The following TBC1D1 variants were observed in gnomAD, a reference collection of about 807,000 sequenced individuals.
TBC1D1 encodes TBC1 domain family member 1.
In TBC1D1, 89 loss-of-function variants were observed where a neutral mutation model predicts 125.6. The observed-to-expected ratio is 0.71, with a 90% confidence interval of 0.60 to 0.85. The LOEUF (loss-of-function observed/expected upper bound fraction) is 0.85. TBC1D1 is among the 40% of genes least tolerant of loss of function. The pLI is 0.00. For missense variants in TBC1D1, 1,377 were observed against 1,469.2 expected, an observed-to-expected ratio of 0.94 and a Z score of 1.03; for synonymous variants, 565 against 564.1, an observed-to-expected ratio of 1.00 and a Z score of -0.02.
At chr4:38,067,430 A>G (rs186379757) in intron 12 of TBC1D1, among the ~76,000 whole-genome samples, 17 of 152,338 alleles carry the variant, frequency 1.1e-4, no homozygotes, top group Non-Finnish European at 1.9e-4. Context: ...TTGCAGCAGC[A>G]TCTTCCTCAA....
At chr4:37,963,733 T>C (rs1172640770) in intron 2 of TBC1D1, among the ~76,000 whole-genome samples, 1 of 152,222 alleles carries the variant, frequency 6.6e-6, no homozygotes. Flanking sequence ...CATGGGTGTC[T>C]CTTATATTAT....
intron 15 of TBC1D1, among the ~76,000 whole-genome samples, chr4:38,114,761 G>A (rs181903019): frequency 2.0e-5 from 3 of 152,072 alleles, no homozygotes; most frequent in African/African-American, 7.2e-5. Context: ...AAAATAATCA[G>A]GATGTTGAGA....
At chr4:37,917,223 C>T (rs936049174) in intron 2 of TBC1D1, among the ~76,000 whole-genome samples, 5 of 151,772 alleles carry the variant, frequency 3.3e-5, no homozygotes, top group South Asian at 2.1e-4. Context: ...CCTGTAATCC[C>T]GGCATTTTGG....
At chr4:38,101,655 A>C (rs1406778161) in intron 14 of TBC1D1, among the ~76,000 whole-genome samples, 1 of 152,174 alleles carries the variant, frequency 6.6e-6, no homozygotes, top group Non-Finnish European at 1.5e-5. Context: ...CTCTTCTTGC[A>C]GCTTATCTTG....
intron 18 of TBC1D1, among the ~76,000 whole-genome samples, chr4:38,131,400 A>G (rs951587235): frequency 1.3e-5 from 2 of 152,246 alleles, no homozygotes; most frequent in Non-Finnish European, 2.9e-5. Context: ...TACTGTTCAG[A>G]CTATTCAGAA....
chr4:37,982,352 G>A (rs1262474017), intron 2 of TBC1D1, among the ~76,000 whole-genome samples: 6 of 152,154 alleles, frequency 3.9e-5, no homozygotes, highest in Non-Finnish European at 7.4e-5. Context: ...GTGATGTATT[G>A]TTTTAAAATT....
intron 2 of TBC1D1, among the ~76,000 whole-genome samples, chr4:37,978,398 G>GTA (rs1321002115): frequency 2.6e-5 from 4 of 152,224 alleles, no homozygotes; most frequent in African/African-American, 9.7e-5. Context: ...TGTTTCCTGT[G>GTA]TATGGCTGGT....
intron 2 of TBC1D1, chr4:38,006,932 T>C: frequency 4.5e-6 from 2 of 445,874 alleles, no homozygotes; most frequent in South Asian, 3.5e-5. Flanking sequence ...GAGTGTGGAG[T>C]AAGTGTTGTC....
intron 2 of TBC1D1, among the ~76,000 whole-genome samples, chr4:37,955,214 C>T (rs1291124983): frequency 1.3e-5 from 2 of 152,082 alleles, no homozygotes; most frequent in Non-Finnish European, 1.5e-5. Context: ...AGAAATCACC[C>T]CTTCATTTTA....
At chr4:37,943,541 A>G (rs1047937742) in intron 2 of TBC1D1, among the ~76,000 whole-genome samples, 40 of 151,172 alleles carry the variant, frequency 2.6e-4, no homozygotes, top group African/African-American at 8.5e-4. Flanking sequence ...ATTTCTTTTT[A>G]CTCTTTTTTC....
At chr4:37,973,104 A>G (rs1291520848) in intron 2 of TBC1D1, among the ~76,000 whole-genome samples, 1 of 152,132 alleles carries the variant, frequency 6.6e-6, no homozygotes, top group East Asian at 1.9e-4. Context: ...AGCACCACAC[A>G]TTGCTATCAA....
intron 2 of TBC1D1, among the ~76,000 whole-genome samples, chr4:37,979,417 G>T (rs1341675419): frequency 2.6e-5 from 4 of 152,176 alleles, no homozygotes; most frequent in Admixed American, 2.6e-4. Flanking sequence ...ATTTCTTGGA[G>T]TTATAGATTG....
chr4:38,126,917 A>G lies in TBC1D1; in HGVS notation c.3132+1786A>G, dbSNP rs542928099. Among the ~76,000 whole-genome samples the G allele has an allele frequency of 2.6e-5, 4 of 151,874 alleles. No homozygotes were observed. In the East Asian group the frequency reaches 5.8e-4, roughly 22 times the overall value. The stretch of plus-strand genomic sequence containing the variant: ...GTCATTTAATTTAGAGTTTTTCCCT[A>G]TTTTACCAGGATTCTAATACTGACT... On this transcript the variant is annotated intron_variant, in intron 18 of 19. Coordinates refer to ENST00000261439, the MANE Select transcript of TBC1D1 (RefSeq NM_015173.4).
chr4:37,986,422 A>G (rs1735464691), intron 2 of TBC1D1, among the ~76,000 whole-genome samples: 1 of 152,162 alleles, frequency 6.6e-6, no homozygotes, highest in Admixed American at 6.5e-5. Context: ...ATCAAACAAT[A>G]TATTGTATTT....
At chr4:37,913,135 C>A (rs1225097352) in intron 2 of TBC1D1, among the ~76,000 whole-genome samples, 1 of 152,138 alleles carries the variant, frequency 6.6e-6, no homozygotes, top group African/African-American at 2.4e-5. Context: ...ATCACTTTCC[C>A]CTCAATACCC....
At chr4:37,949,897 C>T (rs775027060) in intron 2 of TBC1D1, among the ~76,000 whole-genome samples, 7 of 152,088 alleles carry the variant, frequency 4.6e-5, no homozygotes, top group South Asian at 2.1e-4. Context: ...AGTTTGCTGA[C>T]GCCTATTCTC....
intron 2 of TBC1D1, among the ~76,000 whole-genome samples, chr4:37,965,699 G>C (rs972862315): frequency 6.6e-6 from 1 of 152,052 alleles, no homozygotes; most frequent in Non-Finnish European, 1.5e-5. Context: ...TTGACCCTGA[G>C]CGAAGGCTGC....
chr4:37,996,204 C>T (rs898662412), intron 2 of TBC1D1: 7 of 312,696 alleles, frequency 2.2e-5, no homozygotes, highest in African/African-American at 8.6e-5. Context: ...AAGGCTTGGC[C>T]GTGCAGCTTC....
chr4:37,940,335 G>A (rs1167525989), intron 2 of TBC1D1, among the ~76,000 whole-genome samples: 12 of 152,150 alleles, frequency 7.9e-5, no homozygotes, highest in East Asian at 1.9e-4. Context: ...GTCTTTTATC[G>A]GTGTATAAGA....
Sources: gnomAD v4.1 joint callset for allele counts (sites outside exome capture counted in the v4.1 genomes callset) on GRCh38, gnomAD v4.1.1 for gene constraint, MANE v1.5 for transcripts, NCBI Gene and HGNC (gene_info 2026-07-23, HGNC 2026-07-21) for gene names.